Variants in INPP5F observed in about 807,000 individuals in gnomAD.
INPP5F encodes the protein phosphatidylinositide 4-phosphatase SAC2.
INPP5F carries 97 observed loss-of-function variants against 137.2 expected under a neutral mutation model. That is an observed-to-expected ratio of 0.71 (90% CI 0.60 to 0.84). INPP5F has a LOEUF of 0.84. INPP5F is among the 40% of genes least tolerant of loss of function. INPP5F has a pLI of 0.00. For missense variants in INPP5F, 1,271 were observed against 1,371.9 expected (o/e 0.93, Z 1.16); for synonymous variants, 504 against 476.9 (o/e 1.06, Z -0.74).
In INPP5F at chr10:119,785,286, G is replaced by GTTTTTTTTGTTTTTTTTTTTTTT. The variant is rs1849846687; in HGVS notation, c.315+3523_315+3524insGTTTTTTTTTTTTTTTTTTTTTT. 4.0e-4 allele frequency among the ~76,000 whole-genome samples: 42 copies of GTTTTTTTTGTTTTTTTTTTTTTT among 106,230 alleles called. 2 individuals carry two copies. Among genetic ancestry groups the GTTTTTTTTGTTTTTTTTTTTTTT allele is most frequent in the African/African-American group, 1.4e-3 (38 of 26,796 alleles). 69.7% of individuals were successfully genotyped at this position (106,230 alleles called of 152,430 possible). ...TAACCTTTTGTGGAACTGCCAGACTGTTTTTTTTTTTTTTTTGGAGACGGA... is the reference window on the plus strand; with the variant it reads ...TAACCTTTTGTGGAACTGCCAGACTGTTTTTTTTGTTTTTTTTTTTTTTTTTTTTTTTTTTTTTTGGAGACGGA... On this transcript the variant is annotated intron_variant, in intron 3 of 19. Transcript: ENST00000650623.
At chr10:119,825,356 C>T (rs1408612233) in intron 19 of INPP5F, among the ~76,000 whole-genome samples, 3 of 152,024 alleles carry the variant, frequency 2.0e-5, no homozygotes, top group African/African-American at 4.8e-5. Flanking sequence ...TCAAGAAAAA[C>T]TCTGAAGACC....
At chr10:119,823,295 T>C in intron 18 of INPP5F, 96 bp downstream of exon 18, 2 of 1,181,352 alleles carry the variant, frequency 1.7e-6, no homozygotes, top group Non-Finnish European at 1.2e-6. Flanking sequence ...CATAACCAAC[T>C]GAATGAGAGA....
intron 1 of INPP5F, among the ~76,000 whole-genome samples, chr10:119,728,966 T>A (rs1398830767): frequency 6.6e-6 from 1 of 152,242 alleles, no homozygotes; most frequent in Non-Finnish European, 1.5e-5. Context: ...GGGCTGTATT[T>A]ACTCCTCATC....
At chr10:119,805,830 C>CA (rs1288569756) in intron 11 of INPP5F, among the ~76,000 whole-genome samples, 1 of 152,148 alleles carries the variant, frequency 6.6e-6, no homozygotes, top group African/African-American at 2.4e-5. Context: ...TCAAAATTAT[C>CA]AGAGACGGAA....
intron 1 of INPP5F, among the ~76,000 whole-genome samples, chr10:119,730,527 A>AATATAAT (rs1253040700): frequency 6.6e-6 from 1 of 152,242 alleles, no homozygotes; most frequent in Non-Finnish European, 1.5e-5. Flanking sequence ...TTCAAAAAGA[A>AATATAAT]ATATAATACA....
chr10:119,790,946 A>C (rs1255434253), intron 3 of INPP5F, among the ~76,000 whole-genome samples: 1 of 152,170 alleles, frequency 6.6e-6, no homozygotes, highest in East Asian at 1.9e-4. Flanking sequence ...TGCTTCTTCA[A>C]GTTTAACTAA....
intron 2 of INPP5F, among the ~76,000 whole-genome samples, chr10:119,763,959 A>G (rs1011992584): frequency 6.6e-6 from 1 of 152,152 alleles, no homozygotes; most frequent in Admixed American, 6.5e-5. Context: ...TCATCTCCAT[A>G]TTGTCCAATA....
In INPP5F at chr10:119,822,466, A is replaced by G. The variant is rs1229931259; in HGVS notation, c.1994A>G (p.Gln665Arg). The G allele has an allele frequency of 1.3e-6, 2 of 1,536,802 alleles. No individual in the cohort carries two copies. The highest frequency in any genetic ancestry group is 1.8e-5 in the Admixed American group (1 of 56,574). ...GAAGTTGATAAAGTAAACCAGTATC[A>G]ACGACTAAGTCTAGAAAACCTGGAA... ...DDEVDKVNQY[Q>R]RLSLENLEKI... is the part of the protein sequence containing the mutation. Residue 665 changes from glutamine (Q) to arginine (R), a missense_variant, in exon 17 of 20, where the codon CAA (glutamine) becomes CGA (arginine). By Grantham distance (43) the Gln-to-Arg change is conservative (BLOSUM62 1). Coordinates refer to ENST00000650623, the MANE Select transcript of INPP5F (RefSeq NM_014937.4).
chr10:119,828,839 C>T lies in INPP5F; in HGVS notation c.*1059C>T, dbSNP rs748200537. On this transcript the variant is annotated 3_prime_UTR_variant, in exon 20 of 20. Coordinates refer to ENST00000650623, the MANE Select transcript of INPP5F (RefSeq NM_014937.4). The stretch of plus-strand genomic sequence containing the variant: ...TCCAGCCTGGGGGACAGAGCAAGAC[C>T]GTGTCTCAAAAACAATTTAGTCTGA... The T allele has an allele frequency of 5.8e-5, 7 of 120,942 alleles. No homozygotes were observed. Among genetic ancestry groups the T allele is most frequent in the Non-Finnish European group, 1.3e-4 (7 of 53,182 alleles). The allele number at this position is 120,942 out of a possible 1,614,324, so 7.5% of individuals were successfully genotyped here.
chr10:119,812,917 CAAAAAA>C (rs748648032), intron 15 of INPP5F, among the ~76,000 whole-genome samples: 1 of 130,894 alleles, frequency 7.6e-6, no homozygotes, highest in African/African-American at 2.9e-5. Flanking sequence ...AATATAGCAC[CAAAAAA>C]AAAAAAAAGA....
intron 3 of INPP5F, among the ~76,000 whole-genome samples, chr10:119,785,849 A>G (rs1420882794): frequency 6.6e-6 from 1 of 152,076 alleles, no homozygotes; most frequent in Admixed American, 6.5e-5. Flanking sequence ...GTGGAGTGAG[A>G]CCCTGTCTCT....
intron 14 of INPP5F, 71 bp from the exon 15 acceptor site, chr10:119,811,685 AC>A: frequency 8.2e-7 from 1 of 1,222,420 alleles, no homozygotes; most frequent in Non-Finnish European, 1.2e-6. Context: ...TTTAGGTCTT[AC>A]ATTCTCTTTT....
At chr10:119,765,396 G>C (rs1429493956) in intron 2 of INPP5F, among the ~76,000 whole-genome samples, 1 of 151,982 alleles carries the variant, frequency 6.6e-6, no homozygotes, top group Non-Finnish European at 1.5e-5. Context: ...TTTTGAGACA[G>C]GGTCTTGCTT....
intron 18 of INPP5F, 125 bp from the exon 19 acceptor site, chr10:119,823,690 G>A (rs1319026240): frequency 2.4e-5 from 15 of 617,290 alleles, no homozygotes; most frequent in African/African-American, 7.5e-5. Flanking sequence ...TCTATAAATC[G>A]AAGCAAATAA....
intron 13 of INPP5F, among the ~76,000 whole-genome samples, chr10:119,809,590 GGTT>G (rs967126635): frequency 6.6e-6 from 1 of 152,108 alleles, no homozygotes; most frequent in African/African-American, 2.4e-5. Flanking sequence ...GTTGTCACTG[GGTT>G]GTTCTACAGG....
intron 6 of INPP5F, among the ~76,000 whole-genome samples, chr10:119,793,825 A>G (rs12779213): frequency 0.047 from 7,206 of 152,012 alleles, 310 homozygotes; most frequent in South Asian, 0.26. Flanking sequence ...TTGTATTTTT[A>G]GTAGAGACGG....
intron 1 of INPP5F, among the ~76,000 whole-genome samples, chr10:119,736,898 A>C (rs2134105676): frequency 6.6e-6 from 1 of 152,304 alleles, no homozygotes; most frequent in East Asian, 1.9e-4. Flanking sequence ...GGGATAGCTC[A>C]CTGCAGCCTC....
intron 6 of INPP5F, among the ~76,000 whole-genome samples, chr10:119,796,472 A>T (rs948116907): frequency 6.6e-6 from 1 of 152,222 alleles, no homozygotes; most frequent in Admixed American, 6.5e-5. Flanking sequence ...GAGTTAATAA[A>T]TGGTGAGCTT....
At chr10:119,809,968 A>G (rs1212104856) in intron 13 of INPP5F, 132 bp from the exon 14 acceptor site, 1 of 617,204 alleles carries the variant, frequency 1.6e-6, no homozygotes, top group Non-Finnish European at 2.9e-6. Flanking sequence ...ATACTATTTG[A>G]AAATTATAGA....
Sources: allele counts gnomAD v4.1 joint callset (sites outside exome capture counted in the v4.1 genomes callset), GRCh38; gene constraint gnomAD v4.1.1; transcripts MANE v1.5; gene names NCBI Gene and HGNC (gene_info 2026-07-23, HGNC 2026-07-21).